The following LAMA3 variants were observed in gnomAD, a reference collection of about 807,000 sequenced individuals.
LAMA3 encodes laminin subunit alpha-3.
In LAMA3, 281 loss-of-function variants were observed where a neutral mutation model predicts 402.0. That is an observed-to-expected ratio of 0.70 (90% confidence interval 0.63 to 0.77). The LOEUF (loss-of-function observed/expected upper bound fraction) is 0.77, where lower values mean the gene tolerates loss of function less well. Among genes scored for constraint, LAMA3 ranks in the 30% least tolerant of loss-of-function variants. The pLI, the probability that LAMA3 is intolerant of heterozygous loss-of-function variation, is 0.00. For synonymous variants in LAMA3, 1,431 were observed against 1,558.4 expected, an observed-to-expected ratio of 0.92 and a Z score of 1.93; for missense variants, 3,840 against 4,215.5, an observed-to-expected ratio of 0.91 and a Z score of 2.47.
chr18:23,707,699 C>G (rs933445727), intron 1 of LAMA3, among the ~76,000 whole-genome samples: 1 of 151,068 alleles, frequency 6.6e-6, no homozygotes, highest in Admixed American at 6.6e-5. Flanking sequence ...CAAGGTTTCA[C>G]TATGTTGCTC....
intron 12 of LAMA3, among the ~76,000 whole-genome samples, chr18:23,786,367 G>A (rs555392278): frequency 2.2e-4 from 33 of 152,176 alleles, no homozygotes; most frequent in Non-Finnish European, 4.4e-4. Context: ...GTCCTGTATA[G>A]CAGAAGCCCT....
At chr18:23,867,685 A>G (rs1007212714) in intron 36 of LAMA3, 149 bp from the exon 37 acceptor site, 5 of 707,746 alleles carry the variant, frequency 7.1e-6, no homozygotes, top group African/African-American at 1.7e-5. Context: ...CATGTCACTA[A>G]TATTTTTACC....
chr18:23,820,072 C>T (rs2063255545), intron 19 of LAMA3, 75 bp downstream of exon 19: 1 of 1,432,370 alleles, frequency 7.0e-7, no homozygotes, highest in Non-Finnish European at 9.8e-7. Flanking sequence ...AGGGAGCCCC[C>T]TGAAAGGTGA....
intron 43 of LAMA3, among the ~76,000 whole-genome samples, 168 bp from the exon 44 acceptor site, chr18:23,894,739 G>T (rs774583100): frequency 1.3e-5 from 2 of 152,188 alleles, no homozygotes; most frequent in Admixed American, 6.5e-5. Flanking sequence ...CTGTGCACAG[G>T]GCTCTCCTTT....
intron 64 of LAMA3, 101 bp downstream of exon 64, chr18:23,928,866 T>C: frequency 8.9e-7 from 1 of 1,120,018 alleles, no homozygotes; most frequent in Admixed American, 1.7e-5. Flanking sequence ...GTTGTACATT[T>C]TTTCTATCAT....
chr18:23,827,791 C>A (rs1219803417), intron 23 of LAMA3, among the ~76,000 whole-genome samples: 3 of 152,130 alleles, frequency 2.0e-5, no homozygotes, highest in Non-Finnish European at 4.4e-5. Context: ...TCTTAAAAGA[C>A]AGATGAGACT....
chr18:23,822,149 T>A, intron 19 of LAMA3, 103 bp from the exon 20 acceptor site: 1 of 1,291,354 alleles, frequency 7.7e-7, no homozygotes, highest in Non-Finnish European at 1.1e-6. Flanking sequence ...GTGTGTACAT[T>A]ACAAGTCCAG....
At chr18:23,759,123 G>T (rs183661754) in intron 7 of LAMA3, among the ~76,000 whole-genome samples, 4 of 151,830 alleles carry the variant, frequency 2.6e-5, no homozygotes, top group Non-Finnish European at 5.9e-5. Context: ...AGGATTGCTT[G>T]AGGCCAGGAG....
At chr18:23,826,594 C>T (rs556431874) in intron 21 of LAMA3, 108 bp from the exon 22 acceptor site, 8 of 838,358 alleles carry the variant, frequency 9.5e-6, no homozygotes, top group South Asian at 4.3e-5. Flanking sequence ...GTTTAACTAG[C>T]GACTTCACCT....
chr18:23,954,747 A>G lies in LAMA3; in HGVS notation c.*99A>G, dbSNP rs2083055560. ...CGAGATCATTCTTCACTCAGGACAC[A>G]AACCAGACAGGTTTAATAGCGAATC... is the stretch of plus-strand genomic sequence containing the variant. On this transcript the variant is annotated 3_prime_UTR_variant, in exon 75 of 75. Transcript: ENST00000313654. 7.9e-7 allele frequency: 1 copy of G among 1,273,576 alleles called. No homozygotes were observed. Among genetic ancestry groups the G allele is most frequent in the South Asian group, 1.2e-5 (1 of 83,944 alleles). The allele number at this position is 1,273,576 out of a possible 1,614,324, so 78.9% of individuals were successfully genotyped here. A position where few individuals can be genotyped will look rare whatever the true frequency, so the allele number is the denominator to read the frequency against.
chr18:23,940,439 C>T (rs1037356894), intron 68 of LAMA3, among the ~76,000 whole-genome samples: 1 of 152,248 alleles, frequency 6.6e-6, no homozygotes, highest in African/African-American at 2.4e-5. Flanking sequence ...AGCAGCTTCT[C>T]TTGGAGCACG....
At position 23,860,322 on chromosome 18, in the gene LAMA3, G is replaced by T. The variant is rs576441339; in HGVS notation, c.4423-1324G>T. Among the ~76,000 whole-genome samples the T allele has an allele frequency of 6.0e-5, 8 of 132,500 alleles. No homozygotes were observed. In the East Asian group the frequency reaches 1.8e-3, roughly 30 times the overall value. The allele number at this position is 132,500 out of a possible 152,430, so 86.9% of individuals were successfully genotyped here. A position where few individuals can be genotyped will look rare whatever the true frequency, so the allele number is the denominator to read the frequency against. On this transcript the variant is annotated intron_variant, in intron 34 of 74. Coordinates refer to ENST00000313654, the MANE Select transcript of LAMA3 (RefSeq NM_198129.4). Reference sequence around the variant, plus strand: ...TGCCTAGGCTGGAGTGTAGTGGTGTGATCACAGCTCATTGCAACCTTCGCT... The same window carrying T: ...TGCCTAGGCTGGAGTGTAGTGGTGTTATCACAGCTCATTGCAACCTTCGCT...
chr18:23,935,887 C>A (rs1397577271), intron 67 of LAMA3, among the ~76,000 whole-genome samples: 1 of 151,864 alleles, frequency 6.6e-6, no homozygotes, highest in Non-Finnish European at 1.5e-5. Context: ...GGAGGAGGTA[C>A]CCCAGGAACT....
intron 12 of LAMA3, among the ~76,000 whole-genome samples, chr18:23,806,956 A>T (rs2062973695): frequency 6.6e-6 from 1 of 152,190 alleles, no homozygotes; most frequent in Admixed American, 6.5e-5. Flanking sequence ...GTTTGACGGA[A>T]ATGTTCTACG....
At chr18:23,801,793 G>A (rs1006770521) in intron 12 of LAMA3, among the ~76,000 whole-genome samples, 2 of 152,104 alleles carry the variant, frequency 1.3e-5, no homozygotes, top group African/African-American at 4.8e-5. Context: ...GATGATTAGT[G>A]ATGTTGAACA....
Position 23,748,057 on chromosome 18 carries a change from G to T in LAMA3, c.562G>T (p.Ala188Ser). ...CACCTACTCACCATGGCAATATTTT[G>T]CTCGTAAGTAATCTTGCCTACCATG... is the stretch of plus-strand genomic sequence containing the variant. ...GSTYSPWQYF[A>S]HSKVDCLKEF... is the part of the protein sequence containing the mutation. The change falls in exon 3 of 75, where the codon GCT becomes TCT. Residue 188 changes from alanine (A) to serine (S), a missense_variant. Physicochemically the swap from Ala to Ser is moderately conservative, Grantham distance 99. Around this residue, in one of 3 missense-constraint regions of LAMA3, gnomAD observed 2,109 missense variants for 2,376.0 expected, o/e 0.89. Coordinates refer to ENST00000313654, the MANE Select transcript of LAMA3 (RefSeq NM_198129.4). 1 of 1,544,752 alleles carries T rather than the reference G, an allele frequency of 6.5e-7. No individual in the cohort carries two copies. Among genetic ancestry groups the T allele is most frequent in the South Asian group, 1.1e-5 (1 of 89,664 alleles).
intron 44 of LAMA3, among the ~76,000 whole-genome samples, chr18:23,897,134 C>T (rs2080901987): frequency 6.6e-6 from 1 of 151,996 alleles, no homozygotes; most frequent in Non-Finnish European, 1.5e-5. Flanking sequence ...TAGGAAAAGA[C>T]CCAATTGAAA....
At chr18:23,769,443 A>G (rs1357626080) in intron 8 of LAMA3, among the ~76,000 whole-genome samples, 1 of 152,266 alleles carries the variant, frequency 6.6e-6, no homozygotes, top group Non-Finnish European at 1.5e-5. Context: ...AATATAATAC[A>G]TATGCAACAA....
intron 5 of LAMA3, among the ~76,000 whole-genome samples, chr18:23,752,419 T>G (rs1028819655): frequency 3.3e-5 from 5 of 152,204 alleles, no homozygotes; most frequent in African/African-American, 1.2e-4. Flanking sequence ...CATTAAATAA[T>G]TGTTTTATGG....
Sources: gnomAD v4.1 joint callset for allele counts (sites outside exome capture counted in the v4.1 genomes callset) on GRCh38, gnomAD v4.1.1 for gene constraint, gnomAD v4.1.1 regional missense constraint, MANE v1.5 for transcripts, NCBI Gene and HGNC (gene_info 2026-07-23, HGNC 2026-07-21) for gene names.